THRB: variants seen among roughly 807,000 people sequenced by gnomAD.
The protein encoded by THRB is thyroid hormone receptor beta, also known as nuclear receptor subfamily 1 group A member 2.
Under a neutral mutation model 47.8 loss-of-function variants are expected in THRB, and 12 were observed. That is an observed-to-expected ratio of 0.25 (90% CI 0.16 to 0.41). THRB has a LOEUF of 0.41. Ranked by LOEUF, THRB falls within the 10% of genes least tolerant of loss-of-function variation. The pLI is 1.00. For missense variants in THRB, 348 were observed against 589.2 expected, an observed-to-expected ratio of 0.59 and a Z score of 4.24; for synonymous variants, 218 against 212.2, an observed-to-expected ratio of 1.03 and a Z score of -0.24.
intron 3 of THRB, among the ~76,000 whole-genome samples, chr3:24,276,964 A>G (rs1238003449): frequency 6.6e-6 from 1 of 152,228 alleles, no homozygotes; most frequent in Non-Finnish European, 1.5e-5. Context: ...TTCAAAATAA[A>G]AAACTACTTA....
At chr3:24,201,502 C>T (rs1469076222) in intron 4 of THRB, among the ~76,000 whole-genome samples, 1 of 152,210 alleles carries the variant, frequency 6.6e-6, no homozygotes, top group East Asian at 1.9e-4. Context: ...CCCCATGTGA[C>T]TCACATGCAC....
intron 2 of THRB, among the ~76,000 whole-genome samples, chr3:24,333,629 T>A (rs1043674665): frequency 7.9e-5 from 12 of 152,254 alleles, no homozygotes; most frequent in African/African-American, 2.9e-4. Flanking sequence ...TTTGTGTGCA[T>A]GTGCAGGCAA....
chr3:24,299,766 C>CTT lies in THRB; in HGVS notation c.-188-2397_-188-2396dup, dbSNP rs1360367092. ...GCCTTGAGGCTTCTGGGGAAGTATG[C>CTT]TTTTTTATTTATTTATTTATTTATT... On this transcript the variant is annotated intron_variant, in intron 2 of 10. Transcript: ENST00000646209. Among the ~76,000 whole-genome samples the CTT allele has an allele frequency of 8.0e-3, 467 of 58,538 alleles. 108 individuals are homozygous for CTT. The highest frequency in any genetic ancestry group is 0.024 in the African/African-American group (294 of 12,350). 38.4% of individuals were successfully genotyped at this position (58,538 alleles called of 152,430 possible).
At chr3:24,276,818 C>G (rs2053964913) in intron 3 of THRB, among the ~76,000 whole-genome samples, 1 of 152,198 alleles carries the variant, frequency 6.6e-6, no homozygotes, top group Non-Finnish European at 1.5e-5. Flanking sequence ...CGTATGTGCT[C>G]AGGGAAGCCT....
At chr3:24,413,275 C>T (rs1051422967) in intron 1 of THRB, among the ~76,000 whole-genome samples, 3 of 151,750 alleles carry the variant, frequency 2.0e-5, no homozygotes, top group Non-Finnish European at 4.4e-5. Context: ...AAAATGAAAA[C>T]ATTCTTGTGT....
chr3:24,204,070 T>TAC (rs1394573022), intron 4 of THRB, among the ~76,000 whole-genome samples: 7 of 152,240 alleles, frequency 4.6e-5, no homozygotes, highest in African/African-American at 1.4e-4. Context: ...CTGTAGACTC[T>TAC]ACCTCTGGGG....
At chr3:24,190,884 GAA>G (rs59313395) in intron 4 of THRB, among the ~76,000 whole-genome samples, 2,465 of 131,438 alleles carry the variant, frequency 0.019, 44 homozygotes, top group Non-Finnish European at 0.027. Flanking sequence ...CCTACAAAAA[GAA>G]AAAAAAAAAA....
intron 1 of THRB, among the ~76,000 whole-genome samples, chr3:24,449,941 T>A (rs2072480512): frequency 6.6e-6 from 1 of 151,248 alleles, no homozygotes; most frequent in South Asian, 2.1e-4. Flanking sequence ...CAATCTAGCA[T>A]CTAAGCATTC....
chr3:24,421,532 C>T (rs111850667), intron 1 of THRB, among the ~76,000 whole-genome samples: 311 of 151,904 alleles, frequency 2.0e-3, no homozygotes, highest in African/African-American at 7.3e-3. Context: ...GTCTTTCTTT[C>T]CCTTATACAT....
intron 1 of THRB, among the ~76,000 whole-genome samples, chr3:24,459,593 G>T (rs1028024065): frequency 1.3e-5 from 2 of 152,126 alleles, no homozygotes; most frequent in South Asian, 2.1e-4. Context: ...GTGTGAAAGC[G>T]TTCCTCTTTC....
At chr3:24,377,302 A>T (rs115980055) in intron 1 of THRB, among the ~76,000 whole-genome samples, 1,969 of 152,198 alleles carry the variant, frequency 0.013, 48 homozygotes, top group African/African-American at 0.045. Context: ...CATTCTTACT[A>T]GTGGCCAAGT....
chr3:24,144,159 T>A (rs2035798798), intron 7 of THRB: 1 of 188,578 alleles, frequency 5.3e-6, no homozygotes, highest in African/African-American at 2.3e-5. Flanking sequence ...CGTTATGGAA[T>A]TAAAAAAAGA....
chr3:24,427,831 A>G lies in THRB; in HGVS notation c.-261+66821T>C, dbSNP rs868465045. 2.6e-5 allele frequency among the ~76,000 whole-genome samples: 4 copies of G among 152,160 alleles called. 1 individual carries two copies. In the South Asian group the frequency reaches 8.3e-4, roughly 32 times the overall value. On this transcript the variant is annotated intron_variant, in intron 1 of 10. Coordinates refer to ENST00000646209, the MANE Select transcript of THRB (RefSeq NM_001354712.2). ...GAATCATAGTATCACAGTATCTTTA[A>G]CCAAGAAGATTTGGTTAGTCTTATT...
intron 1 of THRB, among the ~76,000 whole-genome samples, chr3:24,352,111 C>A (rs2063394104): frequency 6.6e-6 from 1 of 152,132 alleles, no homozygotes; most frequent in South Asian, 2.1e-4. Context: ...AGGCCATTGA[C>A]ATTTTGTGTC....
At chr3:24,183,366 TTC>T (rs1400877356) in intron 5 of THRB, among the ~76,000 whole-genome samples, 2 of 76,438 alleles carry the variant, frequency 2.6e-5, no homozygotes, top group Non-Finnish European at 5.5e-5. Context: ...CTTTTTTCTT[TTC>T]TTTTTTTTTT....
At chr3:24,435,235 C>T (rs533171588) in intron 1 of THRB, among the ~76,000 whole-genome samples, 45 of 152,174 alleles carry the variant, frequency 3.0e-4, no homozygotes, top group African/African-American at 1.1e-3. Flanking sequence ...AGGTTGGGAC[C>T]ACAGACACTA....
Position 24,492,965 on chromosome 3 carries a change from C to T in THRB, c.-261+1687G>A, listed in dbSNP as rs147762400. On this transcript the variant is annotated intron_variant, in intron 1 of 10. Coordinates refer to ENST00000646209, the MANE Select transcript of THRB (RefSeq NM_001354712.2). Reference sequence around the variant, plus strand: ...ATTTACTAGCAGATGGTCTCACTTCCAATATATAATAAACCTCTGAGATCA... The same window carrying T: ...ATTTACTAGCAGATGGTCTCACTTCTAATATATAATAAACCTCTGAGATCA... Among the ~76,000 whole-genome samples, 1,482 of 152,308 alleles carry T rather than the reference C, an allele frequency of 9.7e-3. 12 individuals are homozygous for T. Among genetic ancestry groups the T allele is most frequent in the Middle Eastern group, 0.024 (7 of 294 alleles).
intron 1 of THRB, among the ~76,000 whole-genome samples, chr3:24,474,654 C>T (rs1227349067): frequency 6.7e-6 from 1 of 148,420 alleles, no homozygotes; most frequent in East Asian, 1.9e-4. Context: ...CTCAAATACA[C>T]AATCCTTCCA....
chr3:24,275,948 C>A (rs1032331979), intron 3 of THRB, among the ~76,000 whole-genome samples: 3 of 152,148 alleles, frequency 2.0e-5, no homozygotes, highest in African/African-American at 7.2e-5. Context: ...TGGATTTTCA[C>A]ACACCACAGG....
Sources: gnomAD v4.1 joint callset for allele counts (sites outside exome capture counted in the v4.1 genomes callset) on GRCh38, gnomAD v4.1.1 for gene constraint, MANE v1.5 for transcripts, NCBI Gene and HGNC (gene_info 2026-07-23, HGNC 2026-07-21) for gene names.